The following NBEA variants were observed in gnomAD, a reference collection of about 807,000 sequenced individuals.
The protein encoded by NBEA is neurobeachin, also known as lysosomal-trafficking regulator 2.
A neutral mutation model predicts 343.4 loss-of-function variants in NBEA; 44 were observed. The observed-to-expected ratio is 0.13, with a 90% CI of 0.10 to 0.16. The LOEUF is 0.16. Ranked by LOEUF, NBEA falls within the 10% of genes least tolerant of loss-of-function variation. The pLI is 1.00. For missense variants in NBEA, 2,555 were observed against 3,631.3 expected (o/e 0.70, Z 7.62); for synonymous variants, 1,175 against 1,238.7 (o/e 0.95, Z 1.08).
intron 45 of NBEA, among the ~76,000 whole-genome samples, chr13:35,574,402 A>AAAAG (rs2080620758): frequency 1.7e-5 from 2 of 116,084 alleles, no homozygotes. Context: ...AAAACAAAAG[A>AAAAG]AAAAAAACAA....
intron 34 of NBEA, among the ~76,000 whole-genome samples, chr13:35,279,202 A>G (rs1296211064): frequency 6.6e-6 from 1 of 152,208 alleles, no homozygotes; most frequent in African/African-American, 2.4e-5. Flanking sequence ...TAAAGGAAGT[A>G]CTATTTTGTA....
At chr13:35,089,576 C>T (rs1305729895) in intron 10 of NBEA, among the ~76,000 whole-genome samples, 3 of 112,672 alleles carry the variant, frequency 2.7e-5, no homozygotes, top group African/African-American at 7.4e-5. Context: ...ACCCAAAGGA[C>T]TATAAATCAT....
chr13:35,172,005 A>T (rs2070498802), intron 26 of NBEA, among the ~76,000 whole-genome samples: 2 of 152,036 alleles, frequency 1.3e-5, no homozygotes, highest in South Asian at 4.1e-4. Flanking sequence ...TTCTTTAGAT[A>T]AGAACCATTT....
chr13:34,998,009 C>A (rs2152522004), intron 1 of NBEA, among the ~76,000 whole-genome samples: 1 of 152,156 alleles, frequency 6.6e-6, no homozygotes, highest in African/African-American at 2.4e-5. Flanking sequence ...AACTATTGGG[C>A]AAAATTCACC....
At chr13:35,203,802 T>G (rs957973283) in intron 31 of NBEA, among the ~76,000 whole-genome samples, 1 of 152,184 alleles carries the variant, frequency 6.6e-6, no homozygotes, top group African/African-American at 2.4e-5. Context: ...ATGTCCTGGC[T>G]TATACCACTT....
At chr13:35,346,101 A>G (rs1482880159) in intron 36 of NBEA, among the ~76,000 whole-genome samples, 1 of 152,122 alleles carries the variant, frequency 6.6e-6, no homozygotes. Flanking sequence ...GTCTGAGGAC[A>G]GGAGTCTTTT....
chr13:35,026,284 T>C (rs541748393), intron 1 of NBEA, among the ~76,000 whole-genome samples: 1 of 152,158 alleles, frequency 6.6e-6, no homozygotes, highest in Non-Finnish European at 1.5e-5. Flanking sequence ...CTCTTTTCTT[T>C]ATAAATTGCC....
intron 51 of NBEA, among the ~76,000 whole-genome samples, chr13:35,648,959 T>G (rs1282460509): frequency 6.6e-6 from 1 of 152,076 alleles, no homozygotes; most frequent in Non-Finnish European, 1.5e-5. Flanking sequence ...CAAACCACCA[T>G]GGCACACGTT....
intron 17 of NBEA, among the ~76,000 whole-genome samples, chr13:35,127,323 T>TA (rs951661415): frequency 2.0e-5 from 3 of 152,216 alleles, no homozygotes; most frequent in African/African-American, 7.2e-5. Flanking sequence ...TTTCTGTGAC[T>TA]AAATCTTGAG....
intron 1 of NBEA, among the ~76,000 whole-genome samples, chr13:34,970,686 G>A (rs943822060): frequency 1.3e-5 from 2 of 152,092 alleles, no homozygotes; most frequent in African/African-American, 4.8e-5. Flanking sequence ...AGATCAGATA[G>A]TGGTAGGTGT....
At chr13:35,335,427 T>C (rs999064436) in intron 36 of NBEA, among the ~76,000 whole-genome samples, 2 of 152,172 alleles carry the variant, frequency 1.3e-5, no homozygotes, top group Admixed American at 6.6e-5. Context: ...TGTAGATTGC[T>C]CTGGATAGTA....
rs2083312623 is a variant in NBEA at position 35,628,327 on chromosome 13, A to G, written c.7617+79A>G. The G allele has an allele frequency of 2.9e-5, 33 of 1,138,740 alleles. No homozygotes were observed. The South Asian group carries it at 4.3e-4, about 15-fold the overall frequency. The allele number at this position is 1,138,740 out of a possible 1,614,324, so 70.5% of individuals were successfully genotyped here. A position where few individuals can be genotyped will look rare whatever the true frequency, so the allele number is the denominator to read the frequency against. ...AATTTGACATTTCATCTCTTTCTGT[A>G]TAATTTTGTTTTCAACATAACTTCT... On this transcript the variant is annotated intron_variant, in intron 49 of 58. Coordinates refer to ENST00000379939, the MANE Select transcript of NBEA (RefSeq NM_001385012.1).
Position 35,602,815 on chromosome 13 carries a change from T to C in NBEA, c.7297-3611T>C, listed in dbSNP as rs1027799316. Among the ~76,000 whole-genome samples the C allele has an allele frequency of 4.6e-5, 7 of 152,284 alleles. No individual in the cohort carries two copies. In the South Asian group the frequency reaches 1.5e-3, roughly 32 times the overall value. The stretch of plus-strand genomic sequence containing the variant: ...CTCCTTGAATGATCCTACTGGAGTA[T>C]TCTTCCTCCTGCCCTTCTAAAGAAC... On this transcript the variant is annotated intron_variant, in intron 47 of 58. Transcript: ENST00000379939.
chr13:35,504,091 G>C (rs552189385), intron 41 of NBEA, among the ~76,000 whole-genome samples: 126 of 152,200 alleles, frequency 8.3e-4, no homozygotes, highest in Admixed American at 3.5e-3. Context: ...TTTACAGTTG[G>C]ATATTTGAGA....
intron 41 of NBEA, among the ~76,000 whole-genome samples, chr13:35,498,675 CTG>C (rs2076775759): frequency 6.6e-6 from 1 of 152,014 alleles, no homozygotes. Context: ...TGCTTCATAT[CTG>C]AATCTTCATA....
intron 28 of NBEA, among the ~76,000 whole-genome samples, chr13:35,178,822 G>A (rs1264408357): frequency 2.6e-5 from 4 of 151,380 alleles, no homozygotes; most frequent in Non-Finnish European, 5.9e-5. Context: ...TTGGAAAGAA[G>A]ATACCATTCT....
intron 51 of NBEA, among the ~76,000 whole-genome samples, chr13:35,647,426 A>T (rs1274464237): frequency 1.3e-5 from 2 of 152,142 alleles, no homozygotes; most frequent in Non-Finnish European, 1.5e-5. Flanking sequence ...CACACCTTTC[A>T]TTTACTCTGT....
At chr13:35,146,523 T>G (rs1006585534) in intron 18 of NBEA, among the ~76,000 whole-genome samples, 3 of 152,166 alleles carry the variant, frequency 2.0e-5, no homozygotes, top group African/African-American at 4.8e-5. Context: ...AGTTTCCTTC[T>G]CTCCCTTTGG....
chr13:35,530,974 G>A (rs142483757), intron 41 of NBEA, among the ~76,000 whole-genome samples: 8 of 152,262 alleles, frequency 5.3e-5, no homozygotes, highest in East Asian at 3.9e-4. Context: ...AGGCTTCGAC[G>A]TCAGAAAGAG....
Sources: allele counts gnomAD v4.1 joint callset (sites outside exome capture counted in the v4.1 genomes callset), GRCh38; gene constraint gnomAD v4.1.1; transcripts MANE v1.5; gene names NCBI Gene and HGNC (gene_info 2026-07-23, HGNC 2026-07-21).